The following PRAMEF20 variants were observed in gnomAD, a reference collection of about 807,000 sequenced individuals.
PRAMEF20 encodes the protein PRAME family member 20/21.
In PRAMEF20, 27 loss-of-function variants were observed where a neutral mutation model predicts 32.4. The ratio of observed to expected loss-of-function variants is 0.83; its 90% CI spans 0.61 to 1.15. PRAMEF20 has a LOEUF of 1.15. Ranked by LOEUF, PRAMEF20 falls within the 50% of genes most tolerant of loss-of-function variation. The probability of loss-of-function intolerance (pLI) is 0.00; values close to 1 mark genes in which losing one functional copy is unlikely to be tolerated. For synonymous variants in PRAMEF20, 256 were observed against 235.4 expected (o/e 1.09, Z -0.80); for missense variants, 604 against 584.5 (o/e 1.03, Z -0.34).
At chr1:13,416,508 C>T (rs960682594) in exon 1 of PRAMEF20, 4 of 1,614,176 alleles carry the variant, frequency 2.5e-6, no homozygotes, top group Non-Finnish European at 2.5e-6. Context: ...CTGTGAGGCC[C>T]TGAAGCTGAT....
At chr1:13,420,708 C>G (rs1641232780) in exon 3 of PRAMEF20, 10 of 1,613,894 alleles carry the variant, frequency 6.2e-6, no homozygotes, top group Non-Finnish European at 8.5e-6. Context: ...TGTCTAAAGA[C>G]CTCGTTAAAC....
At chr1:13,413,864 CAT>C (rs1641136283), upstream of PRAMEF20, among the ~76,000 whole-genome samples, 1 of 152,034 alleles carries the variant, frequency 6.6e-6, no homozygotes, top group South Asian at 2.1e-4. Context: ...CAGCCAGTCT[CAT>C]AGTTTCAGGC....
At chr1:13,416,635 G>T (rs779646091) in exon 1 of PRAMEF20, 1 of 1,614,104 alleles carries the variant, frequency 6.2e-7, no homozygotes, top group Non-Finnish European at 8.5e-7. Flanking sequence ...CACAGGGTTC[G>T]TCTCAGGTGA....
chr1:13,418,851 A>G (rs1263786149), intron 2 of PRAMEF20, 151 bp downstream of exon 3: 6 of 1,421,402 alleles, frequency 4.2e-6, no homozygotes, highest in Non-Finnish European at 5.7e-6. Context: ...GGTATCACAC[A>G]TTCATCCCAA....
the PRAMEF20 span, chr1:13,410,507 TGC>T: frequency 1.3e-5 from 2 of 150,710 alleles, no homozygotes. Flanking sequence ...CTGAGCACCC[TGC>T]AAACTGAGTC....
chr1:13,419,731 GATAA>G (rs1462058376), intron 2 of PRAMEF20, among the ~76,000 whole-genome samples: 1 of 152,032 alleles, frequency 6.6e-6, no homozygotes, highest in Admixed American at 6.6e-5. Flanking sequence ...GCCAAAACAA[GATAA>G]TTTTTAACAA....
At chr1:13,416,224 C>T (rs1641167766), upstream of PRAMEF20, 1 of 1,536,564 alleles carries the variant, frequency 6.5e-7, no homozygotes. Context: ...TTGGAGTAAA[C>T]TGAGGGCTCT....
chr1:13,417,908 ATTTGTGTGTG>A (rs1319450168), intron 1 of PRAMEF20, among the ~76,000 whole-genome samples: 24 of 42,510 alleles, frequency 5.6e-4, no homozygotes, highest in Non-Finnish European at 1.2e-3. Context: ...CGCCCGGCTA[ATTTGTGTGTG>A]TGTGTGTGTG....
chr1:13,411,372 T>C (rs1274233014), upstream of PRAMEF20, among the ~76,000 whole-genome samples: 1 of 151,134 alleles, frequency 6.6e-6, no homozygotes, highest in Admixed American at 6.6e-5. Flanking sequence ...GCAAACAGTT[T>C]AAACAATATC....
Position 13,416,553 on chromosome 1 carries a change from G to A in PRAMEF20, c.199G>A (p.Gly67Arg), listed in dbSNP as rs768427475. Reference sequence around the variant, plus strand: ...CTGGCCTTTCCTCCGCCTTCCTCTGGGGTCTCTGATGAAAAGGCCTTGCCC... The same window carrying A: ...CTGGCCTTTCCTCCGCCTTCCTCTGAGGTCTCTGATGAAAAGGCCTTGCCC... The change falls in exon 1 of 3, where the codon GGG (glycine) becomes AGG (arginine). Residue 67 changes from glycine to arginine, a missense_variant. By Grantham distance (125) the Gly-to-Arg change is moderately radical (BLOSUM62 -2). Coordinates refer to ENST00000602960, the Ensembl canonical transcript of PRAMEF20. 180 of 1,614,040 alleles carry A rather than the reference G, an allele frequency of 1.1e-4. No individual in the cohort carries two copies. The highest frequency in any genetic ancestry group is 1.4e-4 in the Non-Finnish European group (167 of 1,180,034).
At chr1:13,416,608 T>G in exon 1 of PRAMEF20, 4 of 1,614,116 alleles carry the variant, frequency 2.5e-6, no homozygotes, top group Non-Finnish European at 3.4e-6. Flanking sequence ...CTCGATGGGC[T>G]TGATGCACTG....
chr1:13,412,648 A>T (rs1248965904), upstream of PRAMEF20, among the ~76,000 whole-genome samples: 4 of 151,474 alleles, frequency 2.6e-5, no homozygotes, highest in Non-Finnish European at 5.9e-5. Flanking sequence ...TTTCCTATCT[A>T]GTTTTCACTG....
At chr1:13,420,166 C>A (rs914483741) in intron 2 of PRAMEF20, among the ~76,000 whole-genome samples, 95 of 152,242 alleles carry the variant, frequency 6.2e-4, no homozygotes, top group Admixed American at 1.4e-3. Context: ...GAACTGGATC[C>A]ATTCCTATAA....
intron 2 of PRAMEF20, 80 bp from the exon 4 acceptor site, chr1:13,420,617 A>G (rs1293672472): frequency 6.4e-7 from 1 of 1,560,792 alleles, no homozygotes; most frequent in Non-Finnish European, 8.8e-7. Flanking sequence ...GTCTCCATCC[A>G]TCACTTTGAA....
At chr1:13,414,452 T>C (rs1464873136), upstream of PRAMEF20, among the ~76,000 whole-genome samples, 3 of 152,066 alleles carry the variant, frequency 2.0e-5, no homozygotes, top group Non-Finnish European at 4.4e-5. Context: ...AAGTTAGGTT[T>C]TCCTTTTTAC....
At chr1:13,414,208 A>AT (rs149194621), upstream of PRAMEF20, among the ~76,000 whole-genome samples, 1,623 of 123,200 alleles carry the variant, frequency 0.013, 15 homozygotes, top group East Asian at 0.039. Flanking sequence ...CACCTGACTA[A>AT]TTTTTTTTTT....
chr1:13,421,090 T>C, exon 3 of PRAMEF20: 1 of 1,613,910 alleles, frequency 6.2e-7, no homozygotes, highest in Admixed American at 1.7e-5. Context: ...AGAGTTATGA[T>C]GTTCGTGGTA....
upstream of PRAMEF20, among the ~76,000 whole-genome samples, chr1:13,414,198 C>T (rs973311295): frequency 2.6e-3 from 379 of 146,366 alleles, no homozygotes; most frequent in African/African-American, 9.0e-3. Flanking sequence ...CCCGCCATCA[C>T]ACCTGACTAA....
chr1:13,420,915 T>C (rs1339538001), exon 3 of PRAMEF20: 6 of 1,613,682 alleles, frequency 3.7e-6, no homozygotes, highest in Admixed American at 1.7e-5. Context: ...TGTGGCATCG[T>C]AGACTCCCAA....
Sources: allele counts gnomAD v4.1 joint callset (sites outside exome capture counted in the v4.1 genomes callset), GRCh38; gene constraint gnomAD v4.1.1; transcripts MANE v1.5; gene names NCBI Gene and HGNC (gene_info 2026-07-23, HGNC 2026-07-21).